Variants in XKR6 observed in about 807,000 individuals in gnomAD.
XKR6 encodes XK-related protein 6.
A neutral mutation model predicts 56.7 loss-of-function variants in XKR6; 22 were observed. That is an observed-to-expected ratio of 0.39 (90% CI 0.28 to 0.55). The LOEUF (loss-of-function observed/expected upper bound fraction) is 0.55, where lower values mean the gene tolerates loss of function less well. Among genes scored for constraint, XKR6 ranks in the 20% least tolerant of loss-of-function variants. The pLI is 0.66. For synonymous variants in XKR6, 524 were observed against 387.8 expected, an observed-to-expected ratio of 1.35 and a Z score of -4.13; for missense variants, 852 against 889.0, an observed-to-expected ratio of 0.96 and a Z score of 0.53.
chr8:10,953,589 C>T (rs969906564), intron 1 of XKR6, among the ~76,000 whole-genome samples: 2 of 152,230 alleles, frequency 1.3e-5, no homozygotes, highest in African/African-American at 4.8e-5. Flanking sequence ...CCCAGCCCTA[C>T]ATTATTATAT....
rs1267704463 is a variant in XKR6 at position 10,998,906 on chromosome 8, T to C, written c.765-74076A>G. On this transcript the variant is annotated intron_variant, in intron 1 of 2. Transcript: ENST00000416569. Reference sequence around the variant, plus strand: ...GCCCAATATACCCAGGATGGAATCCTGAAACAGCTGTCGACCAACTGTGTA... The same window carrying C: ...GCCCAATATACCCAGGATGGAATCCCGAAACAGCTGTCGACCAACTGTGTA... Among the ~76,000 whole-genome samples, 3 of 152,216 alleles carry C rather than the reference T, an allele frequency of 2.0e-5. No homozygotes were observed. The East Asian group carries it at 5.8e-4, about 29-fold the overall frequency.
intron 2 of XKR6, among the ~76,000 whole-genome samples, chr8:10,912,833 TATAG>T (rs1271243812): frequency 6.9e-6 from 1 of 144,112 alleles, no homozygotes; most frequent in Admixed American, 7.0e-5. Context: ...CATATATATA[TATAG>T]AGAGAGAAAG....
At position 10,911,337 on chromosome 8, in the gene XKR6, A is replaced by ATG. The variant is rs1444115880; in HGVS notation, c.962-12422_962-12421insCA. 5.2e-5 allele frequency among the ~76,000 whole-genome samples: 6 copies of ATG among 114,636 alleles called. No homozygotes were observed. The East Asian group carries it at 6.4e-4, about 12-fold the overall frequency. The allele number at this position is 114,636 out of a possible 152,430, so 75.2% of individuals were successfully genotyped here. A position where few individuals can be genotyped will look rare whatever the true frequency, so the allele number is the denominator to read the frequency against. On this transcript the variant is annotated intron_variant, in intron 2 of 2. Transcript: ENST00000416569. ...AGAGGGTGAGTATATATATATATAT[A>ATG]TATGTGTGTGTGTGTGTGTATATAT...
chr8:10,898,930 A>T lies in XKR6; in HGVS notation c.962-14T>A. 6.3e-7 allele frequency: 1 copy of T among 1,581,626 alleles called. No homozygotes were observed. Among genetic ancestry groups the T allele is most frequent in the Non-Finnish European group, 8.6e-7 (1 of 1,166,216 alleles). On this transcript the variant is annotated splice_polypyrimidine_tract_variant and intron_variant, in intron 2 of 2. Coordinates refer to ENST00000416569, the MANE Select transcript of XKR6 (RefSeq NM_173683.4). This position sits in a 1 kb window ranked among gnomAD's most constrained non-coding sequence, Gnocchi z 6.6. ...CAGAGGAGACACCTGCCGGAAAGAC[A>T]CAAACCCACACAGTCAAAACCTTGG...
At chr8:11,075,472 A>T (rs544216907) in intron 1 of XKR6, among the ~76,000 whole-genome samples, 2 of 152,276 alleles carry the variant, frequency 1.3e-5, no homozygotes, top group African/African-American at 4.8e-5. Flanking sequence ...ATGACAGGAA[A>T]GACTATCATG....
In XKR6 at chr8:11,052,330, C is replaced by G. The variant is rs544188335; in HGVS notation, c.765-127500G>C. 4.6e-5 allele frequency among the ~76,000 whole-genome samples: 7 copies of G among 152,316 alleles called. No homozygotes were observed. The East Asian group carries it at 1.2e-3, about 25-fold the overall frequency. ...CCCCATCCCATAAGGCACTATCTGTCCCCCAGCTCTTGTTTCCCAGAGCAC... is the reference window on the plus strand; with the variant it reads ...CCCCATCCCATAAGGCACTATCTGTGCCCCAGCTCTTGTTTCCCAGAGCAC... On this transcript the variant is annotated intron_variant, in intron 1 of 2. Transcript: ENST00000416569.
chr8:11,144,152 C>CT (rs1235181298), intron 1 of XKR6, among the ~76,000 whole-genome samples: 2 of 151,226 alleles, frequency 1.3e-5, no homozygotes, highest in African/African-American at 4.9e-5. Flanking sequence ...GCTGAGGGGG[C>CT]TTGAGGGATG....
At chr8:11,128,252 C>A (rs1450035911) in intron 1 of XKR6, among the ~76,000 whole-genome samples, 2 of 152,176 alleles carry the variant, frequency 1.3e-5, no homozygotes, top group Non-Finnish European at 2.9e-5. Flanking sequence ...TTGCTGGATT[C>A]TTCTCCTCTC....
rs1416366504 is a variant in XKR6 at position 10,896,870 on chromosome 8, T to G, written c.*1082A>C. Reference sequence around the variant, plus strand: ...AGAAGAGGCTTTACACAATATCACATGTGATAAATGTCTACCATTCACAGC... The same window carrying G: ...AGAAGAGGCTTTACACAATATCACAGGTGATAAATGTCTACCATTCACAGC... On this transcript the variant is annotated 3_prime_UTR_variant, in exon 3 of 3. Transcript: ENST00000416569. 1 of 152,594 alleles carries G rather than the reference T, an allele frequency of 6.6e-6. No individual in the cohort carries two copies. Among genetic ancestry groups the G allele is most frequent in the African/African-American group, 2.4e-5 (1 of 41,442 alleles). The allele number at this position is 152,594 out of a possible 1,614,324, so 9.5% of individuals were successfully genotyped here. A position where few individuals can be genotyped will look rare whatever the true frequency, so the allele number is the denominator to read the frequency against.
chr8:11,050,170 C>T (rs534438296), intron 1 of XKR6, among the ~76,000 whole-genome samples: 6 of 152,268 alleles, frequency 3.9e-5, no homozygotes, highest in Admixed American at 1.3e-4. Flanking sequence ...CACGGAGACA[C>T]GCAGATTCAG....
In XKR6 at chr8:11,085,817, C is replaced by A. The variant is rs1219236973; in HGVS notation, c.764+114759G>T. ...TTCCTCCTCATACCCCAGCTCGAAG[C>A]CACTGCCGCCGGAGCAAGGGCCTGC... On this transcript the variant is annotated intron_variant, in intron 1 of 2. Coordinates refer to ENST00000416569, the MANE Select transcript of XKR6 (RefSeq NM_173683.4). Among the ~76,000 whole-genome samples, 4 of 152,170 alleles carry A rather than the reference C, an allele frequency of 2.6e-5. 1 individual carries two copies. In the East Asian group the frequency reaches 7.7e-4, roughly 29 times the overall value.
intron 1 of XKR6, among the ~76,000 whole-genome samples, chr8:11,147,364 A>T (rs61110938): frequency 0.034 from 5,163 of 152,266 alleles, 298 homozygotes; most frequent in African/African-American, 0.12. Context: ...ACACTTCACT[A>T]AAGAAGATAT....
At chr8:10,902,287 C>G (rs1273709785) in intron 2 of XKR6, among the ~76,000 whole-genome samples, 2 of 152,212 alleles carry the variant, frequency 1.3e-5, no homozygotes, top group African/African-American at 4.8e-5. Context: ...TTTTAAGTCT[C>G]TGCTTCATCT....
At chr8:11,177,525 T>C (rs1449604786) in intron 1 of XKR6, among the ~76,000 whole-genome samples, 2 of 152,204 alleles carry the variant, frequency 1.3e-5, no homozygotes, top group South Asian at 2.1e-4. Context: ...TGACCGAATT[T>C]GGAAATAGGG....
intron 1 of XKR6, among the ~76,000 whole-genome samples, chr8:10,976,773 CTCTCTG>C (rs1317608081): frequency 2.0e-5 from 3 of 149,886 alleles, no homozygotes; most frequent in African/African-American, 7.6e-5. Context: ...CTCTCTCTCT[CTCTCTG>C]TCTCTCTCTC....
chr8:10,932,695 G>A (rs943391537), intron 1 of XKR6, among the ~76,000 whole-genome samples: 2 of 129,482 alleles, frequency 1.5e-5, no homozygotes, highest in Non-Finnish European at 3.3e-5. Flanking sequence ...TTGTTCTGGC[G>A]ATAGTTTACT....
intron 1 of XKR6, among the ~76,000 whole-genome samples, chr8:10,942,647 G>C (rs1280827773): frequency 1.3e-5 from 2 of 152,238 alleles, no homozygotes; most frequent in African/African-American, 4.8e-5. Flanking sequence ...AGCAGATCCA[G>C]GTGTTCCAAA....
At chr8:10,982,019 A>C (rs1408770128) in intron 1 of XKR6, among the ~76,000 whole-genome samples, 2 of 152,256 alleles carry the variant, frequency 1.3e-5, no homozygotes, top group Non-Finnish European at 2.9e-5. Context: ...CATGCACTAA[A>C]GGCTGTGATC....
intron 1 of XKR6, among the ~76,000 whole-genome samples, chr8:11,176,934 C>A (rs549437606): frequency 1.3e-5 from 2 of 152,268 alleles, no homozygotes; most frequent in African/African-American, 4.8e-5. Flanking sequence ...TCAGCGTGGC[C>A]AATGCTAAGA....
Sources: gnomAD v4.1 joint callset for allele counts (sites outside exome capture counted in the v4.1 genomes callset) on GRCh38, gnomAD v4.1.1 for gene constraint, Gnocchi (gnomAD v3.1) non-coding constraint, MANE v1.5 for transcripts, NCBI Gene and HGNC (gene_info 2026-07-23, HGNC 2026-07-21) for gene names.